The following EYA1 variants were observed in gnomAD, a reference collection of about 807,000 sequenced individuals.
EYA1 encodes the protein EYA transcriptional coactivator and phosphatase 1.
A neutral mutation model predicts 82.0 loss-of-function variants in EYA1; 16 were observed. The observed-to-expected ratio is 0.20, with a 90% CI of 0.13 to 0.30. The LOEUF is 0.30. EYA1 is among the 10% of genes least tolerant of loss of function. The pLI, the probability that EYA1 is intolerant of heterozygous loss-of-function variation, is 1.00. For missense variants in EYA1, 633 were observed against 730.7 expected (o/e 0.87, Z 1.54); for synonymous variants, 261 against 264.4 (o/e 0.99, Z 0.12).
intron 2 of EYA1, among the ~76,000 whole-genome samples, chr8:71,467,282 A>G (rs1171320008): frequency 6.6e-6 from 1 of 152,116 alleles, no homozygotes; most frequent in Non-Finnish European, 1.5e-5. Context: ...ATTTTAAAAT[A>G]TCCCTTTTTT....
intron 12 of EYA1, among the ~76,000 whole-genome samples, chr8:71,218,834 G>A (rs183787959): frequency 6.6e-6 from 1 of 152,044 alleles, no homozygotes; most frequent in African/African-American, 2.4e-5. Flanking sequence ...GGGGGTGGGG[G>A]GAGAGGGGAA....
At chr8:71,466,854 T>C (rs1379585881) in intron 2 of EYA1, among the ~76,000 whole-genome samples, 1 of 152,116 alleles carries the variant, frequency 6.6e-6, no homozygotes, top group Non-Finnish European at 1.5e-5. Flanking sequence ...TGTTCAGAAG[T>C]CTCTGTCTCT....
At chr8:71,291,251 T>G (rs1818964857) in intron 9 of EYA1, among the ~76,000 whole-genome samples, 2 of 152,222 alleles carry the variant, frequency 1.3e-5, no homozygotes, top group South Asian at 4.1e-4. Context: ...CTCTGAGGGC[T>G]CAGAGTTCTG....
Position 71,361,698 on chromosome 8 carries a change from T to C in EYA1, c.-106A>G, listed in dbSNP as rs867446615. 2.5e-5 allele frequency: 25 copies of C among 985,528 alleles called. No homozygotes were observed. The African/African-American group carries it at 3.5e-4, about 14-fold the overall frequency. The allele number at this position is 985,528 out of a possible 1,614,324, so 61.0% of individuals were successfully genotyped here. A position where few individuals can be genotyped will look rare whatever the true frequency, so the allele number is the denominator to read the frequency against. The stretch of plus-strand genomic sequence containing the variant: ...GTTTAATGTGTTCCTTCGAATTTTC[T>C]GGGTTAGCAAACCTCCATTCCTGAC... On this transcript the variant is annotated 5_prime_UTR_variant, in exon 1 of 18. Coordinates refer to ENST00000340726, the MANE Select transcript of EYA1 (RefSeq NM_000503.6).
intron 2 of EYA1, among the ~76,000 whole-genome samples, chr8:71,484,690 G>A (rs1350354151): frequency 6.6e-6 from 1 of 152,218 alleles, no homozygotes; most frequent in East Asian, 1.9e-4. Flanking sequence ...AACGGGTTGA[G>A]GTGTGCTGGG....
chr8:71,502,472 A>C (rs1040158841), intron 2 of EYA1, among the ~76,000 whole-genome samples: 1 of 152,222 alleles, frequency 6.6e-6, no homozygotes, highest in African/African-American at 2.4e-5. Flanking sequence ...AAAATATAGG[A>C]TGCCCAATGA....
chr8:71,488,360 T>G (rs7009423), intron 2 of EYA1, among the ~76,000 whole-genome samples: 9,332 of 152,098 alleles, frequency 0.061, 974 homozygotes, highest in African/African-American at 0.21. Context: ...ATATAAAGGA[T>G]AAATAAATTA....
In EYA1 at chr8:71,304,245, C is replaced by A. The variant is rs147206209; in HGVS notation, c.557-4525G>T. ...TGCCTATTAGAACTCACCGATTCCT[C>A]ACAACCACCCCAGGAGGTGGATGCT... On this transcript the variant is annotated intron_variant, in intron 7 of 17. Transcript: ENST00000340726. Among the ~76,000 whole-genome samples, 73 of 142,494 alleles carry A rather than the reference C, an allele frequency of 5.1e-4. 5 individuals are homozygous for A. Among genetic ancestry groups the A allele is most frequent in the African/African-American group, 1.8e-3 (72 of 40,386 alleles). The allele number at this position is 142,494 out of a possible 152,430, so 93.5% of individuals were successfully genotyped here. A position where few individuals can be genotyped will look rare whatever the true frequency, so the allele number is the denominator to read the frequency against.
intron 9 of EYA1, among the ~76,000 whole-genome samples, chr8:71,292,318 T>C (rs1056572450): frequency 1.3e-5 from 2 of 152,102 alleles, no homozygotes; most frequent in African/African-American, 2.4e-5. Context: ...TCCCTTCCTC[T>C]ATTTTGATCA....
At chr8:71,260,697 C>G (rs979592872) in intron 11 of EYA1, among the ~76,000 whole-genome samples, 3 of 152,188 alleles carry the variant, frequency 2.0e-5, no homozygotes, top group Admixed American at 1.3e-4. Context: ...CCTAAACTCT[C>G]TCTGTACTAA....
intron 2 of EYA1, among the ~76,000 whole-genome samples, chr8:71,438,070 T>C (rs554628267): frequency 8.1e-4 from 124 of 152,270 alleles, no homozygotes; most frequent in African/African-American, 2.9e-3. Flanking sequence ...CTACTTTGGA[T>C]ACTCAAGGGT....
chr8:71,396,543 T>G (rs1829628032), intron 2 of EYA1, among the ~76,000 whole-genome samples: 1 of 152,244 alleles, frequency 6.6e-6, no homozygotes, highest in Admixed American at 6.5e-5. Flanking sequence ...CTTCATTTCG[T>G]TATATAGCCA....
chr8:71,210,876 T>A (rs917035630), intron 17 of EYA1, among the ~76,000 whole-genome samples: 4 of 152,244 alleles, frequency 2.6e-5, no homozygotes, highest in Admixed American at 2.6e-4. Flanking sequence ...ATGTGTTATC[T>A]CTGCTCTGGA....
chr8:71,269,415 A>G (rs939436698), intron 11 of EYA1, among the ~76,000 whole-genome samples: 21 of 152,228 alleles, frequency 1.4e-4, no homozygotes, highest in African/African-American at 5.1e-4. Context: ...GGAAAAGTAA[A>G]AGAGAACACG....
At chr8:71,421,297 C>A (rs1033179325) in intron 2 of EYA1, among the ~76,000 whole-genome samples, 1 of 152,196 alleles carries the variant, frequency 6.6e-6, no homozygotes, top group African/African-American at 2.4e-5. Flanking sequence ...GGGAACTCAG[C>A]ACAGACTTAG....
chr8:71,322,673 A>T (rs1281734996), intron 4 of EYA1, among the ~76,000 whole-genome samples: 1 of 152,162 alleles, frequency 6.6e-6, no homozygotes, highest in African/African-American at 2.4e-5. Context: ...CAGCTGGCCT[A>T]TTGTTTGTGC....
At chr8:71,310,183 T>C (rs1464551842) in intron 7 of EYA1, among the ~76,000 whole-genome samples, 1 of 152,210 alleles carries the variant, frequency 6.6e-6, no homozygotes, top group African/African-American at 2.4e-5. Context: ...ACCAGCTCTA[T>C]CTACGAGTAT....
At chr8:71,242,818 C>T (rs1812646466) in intron 12 of EYA1, among the ~76,000 whole-genome samples, 1 of 146,950 alleles carries the variant, frequency 6.8e-6, no homozygotes, top group African/African-American at 2.6e-5. Context: ...CTCTTGTTGC[C>T]CAGGCTGGAG....
In EYA1 at chr8:71,211,187, T is replaced by C; in HGVS notation, c.1667A>G (p.Asp556Gly). 5 of 1,613,344 alleles carry C rather than the reference T, an allele frequency of 3.1e-6. No individual in the cohort carries two copies. Among genetic ancestry groups the C allele is most frequent in the Non-Finnish European group, 4.2e-6 (5 of 1,179,328 alleles). ...GRKVVYVVIG[D>G]GVEEEQGAKK... ...TGCTCCTTGTTCTTCTTCTACACCA[T>C]CTCCTATAACAACATACACCACTTT... Residue 556 changes from aspartate to glycine, a missense_variant, in exon 17 of 18, where the codon GAT becomes GGT. By Grantham distance (94) the Asp-to-Gly change is moderately conservative (BLOSUM62 -1). Coordinates refer to ENST00000340726, the MANE Select transcript of EYA1 (RefSeq NM_000503.6).
Sources: gnomAD v4.1 joint callset for allele counts (sites outside exome capture counted in the v4.1 genomes callset) on GRCh38, gnomAD v4.1.1 for gene constraint, MANE v1.5 for transcripts, NCBI Gene and HGNC (gene_info 2026-07-23, HGNC 2026-07-21) for gene names.